The following LRR1 variants were observed in gnomAD, a reference collection of about 807,000 sequenced individuals.
The protein encoded by LRR1 is leucine-rich repeat protein 1.
LRR1 carries 29 observed loss-of-function variants against 31.6 expected under a neutral mutation model. The ratio of observed to expected loss-of-function variants is 0.92; its 90% CI spans 0.68 to 1.25. The LOEUF (loss-of-function observed/expected upper bound fraction) is 1.25. LRR1 is among the 50% of genes most tolerant of loss of function. The pLI, the probability that LRR1 is intolerant of heterozygous loss-of-function variation, is 0.00. For synonymous variants in LRR1, 179 were observed against 181.4 expected (o/e 0.99, Z 0.10); for missense variants, 485 against 487.2 (o/e 1.00, Z 0.04).
Position 49,606,726 on chromosome 14 carries a change from G to T in LRR1, c.283-674G>T, listed in dbSNP as rs183989769. Among the ~76,000 whole-genome samples the T allele has an allele frequency of 5.4e-5, 8 of 149,326 alleles. No homozygotes were observed. In the South Asian group the frequency reaches 8.5e-4, roughly 16 times the overall value. ...GCCTGGAGTGCAGTGGCACAATCTC[G>T]GCTCACTGCAACCTCCGCCTCCCGG... On this transcript the variant is annotated intron_variant, in intron 2 of 3. Coordinates refer to ENST00000298288, the MANE Select transcript of LRR1 (RefSeq NM_152329.4).
Position 49,614,310 on chromosome 14 carries a change from C to G in LRR1, c.1059C>G (p.Thr353=), listed in dbSNP as rs755330432. The change falls in exon 4 of 4, where the codon ACC becomes ACG. Residue 353 remains threonine (T), a synonymous_variant. Coordinates refer to ENST00000298288, the MANE Select transcript of LRR1 (RefSeq NM_152329.4). The part of the protein sequence containing the change: ...IPFHLCQDLD[T]AKICVCGRFC... Reference sequence around the variant, plus strand: ...TCCATCTCTGCCAAGATTTGGATACCGCAAAAATTTGTGTTTGTGGAAGAT... The same window carrying G: ...TCCATCTCTGCCAAGATTTGGATACGGCAAAAATTTGTGTTTGTGGAAGAT... 6.2e-7 allele frequency: 1 copy of G among 1,613,594 alleles called. No individual in the cohort carries two copies. The highest frequency in any genetic ancestry group is 2.2e-5 in the East Asian group (1 of 44,832).
chr14:49,599,227 T>C, intron 1 of LRR1, 24 bp downstream of exon 1: 1 of 1,569,758 alleles, frequency 6.4e-7, no homozygotes, highest in Non-Finnish European at 8.7e-7. Flanking sequence ...GCAGGCCCTG[T>C]CAGTCTCGCG....
In LRR1 at chr14:49,599,019, A is replaced by C. The variant is rs1293228208; in HGVS notation, c.-2A>C. 1.1e-5 allele frequency: 17 copies of C among 1,605,196 alleles called. No individual in the cohort carries two copies. The highest frequency in any genetic ancestry group is 1.4e-5 in the Non-Finnish European group (17 of 1,175,716). On this transcript the variant is annotated 5_prime_UTR_variant, in exon 1 of 4. Transcript: ENST00000298288. ...TTGACGTGGTTGTGGCCGTTGGGCG[A>C]GATGAAGCTACACTGTGAGGTGGAG...
chr14:49,613,847 A>G (rs981199051), intron 3 of LRR1, among the ~76,000 whole-genome samples: 2 of 152,320 alleles, frequency 1.3e-5, no homozygotes, highest in East Asian at 1.9e-4. Flanking sequence ...CTTGGGCACC[A>G]CTGAAGGGTT....
chr14:49,602,261 AAAAGCCAAACC>A lies in LRR1; in HGVS notation c.184-102_184-92del. On this transcript the variant is annotated intron_variant, in intron 1 of 3. Transcript: ENST00000298288. ...ATGAAAACACTCAGACTCAAGGACT[AAAAGCCAAACC>A]AAAGCCTGGCAAAGTAACTGGCACA... 4 of 929,716 alleles carry A rather than the reference AAAAGCCAAACC, an allele frequency of 4.3e-6. No homozygotes were observed. In the East Asian group the frequency reaches 1.0e-4, roughly 24 times the overall value. 57.6% of individuals were successfully genotyped at this position (929,716 alleles called of 1,614,324 possible). A position where few individuals can be genotyped will look rare whatever the true frequency, so the allele number is the denominator to read the frequency against.
Position 49,599,059 on chromosome 14 carries a change from C to T in LRR1, c.39C>T (p.His13=), listed in dbSNP as rs1345593614. 2 of 1,609,156 alleles carry T rather than the reference C, an allele frequency of 1.2e-6. No homozygotes were observed. Among genetic ancestry groups the T allele is most frequent in the Non-Finnish European group, 1.7e-6 (2 of 1,177,938 alleles). The part of the protein sequence containing the change: ...LHCEVEVISR[H]LPALGLRNRG... ...GTGAGGTGGAGGTGATCAGCCGGCACTTGCCCGCCTTGGGGCTTAGGAACC... is the reference window on the plus strand; with the variant it reads ...GTGAGGTGGAGGTGATCAGCCGGCATTTGCCCGCCTTGGGGCTTAGGAACC... The change falls in exon 1 of 4, where the codon CAC becomes CAT. Residue 13 remains histidine, a synonymous_variant. Coordinates refer to ENST00000298288, the MANE Select transcript of LRR1 (RefSeq NM_152329.4).
chr14:49,613,803 ACT>A (rs1192632301), intron 3 of LRR1, among the ~76,000 whole-genome samples: 1 of 152,156 alleles, frequency 6.6e-6, no homozygotes, highest in Non-Finnish European at 1.5e-5. Context: ...TCAAAGCGAG[ACT>A]CTGTCTCAAA....
intron 2 of LRR1, 103 bp from the exon 3 acceptor site, chr14:49,607,297 T>C: frequency 2.5e-6 from 3 of 1,181,196 alleles, no homozygotes; most frequent in Non-Finnish European, 3.4e-6. Flanking sequence ...TAAATCATTG[T>C]ATCACATTCA....
chr14:49,607,892 A>T lies in LRR1; in HGVS notation c.775A>T (p.Asn259Tyr). ...QELKNLKLDDNELIQFPCKIG... is the reference protein window; with the variant it reads ...QELKNLKLDDYELIQFPCKIG... ...ACTTAAGAATTTAAAACTTGACGAT[A>T]ATGAATTGATTCAATTTCCTTGCAA... The change falls in exon 3 of 4, where the codon AAT becomes TAT. Residue 259 changes from asparagine to tyrosine, a missense_variant. Around this residue, in one of 3 missense-constraint regions of LRR1, gnomAD observed 210 missense variants for 200.4 expected, o/e 1.05. Coordinates refer to ENST00000298288, the MANE Select transcript of LRR1 (RefSeq NM_152329.4). 6.2e-7 allele frequency: 1 copy of T among 1,613,152 alleles called. No individual in the cohort carries two copies. Among genetic ancestry groups the T allele is most frequent in the Non-Finnish European group, 8.5e-7 (1 of 1,179,356 alleles).
At chr14:49,599,353 C>A in intron 1 of LRR1, 150 bp downstream of exon 1, 1 of 860,036 alleles carries the variant, frequency 1.2e-6, no homozygotes, top group Non-Finnish European at 1.7e-6. Context: ...CTACCATCAG[C>A]CCGACCCCAG....
intron 2 of LRR1, 43 bp from the exon 3 acceptor site, chr14:49,607,357 A>G (rs756958465): frequency 3.3e-6 from 5 of 1,500,516 alleles, no homozygotes; most frequent in African/African-American, 2.8e-5. Context: ...TGTATGTATT[A>G]TCTCCAGTGG....
At chr14:49,600,563 A>C (rs1287144583) in intron 1 of LRR1, 1 of 1,455,780 alleles carries the variant, frequency 6.9e-7, no homozygotes, top group African/African-American at 1.5e-5. Context: ...AACACACTGT[A>C]AAAAAAAAAG....
intron 2 of LRR1, among the ~76,000 whole-genome samples, chr14:49,607,121 A>G (rs756970314): frequency 6.7e-6 from 1 of 149,794 alleles, no homozygotes; most frequent in Non-Finnish European, 1.5e-5. Context: ...TCTACTTCCT[A>G]GGCTCAGGTG....
chr14:49,607,486 C>G lies in LRR1; in HGVS notation c.369C>G (p.Leu123=). 2 of 1,613,968 alleles carry G rather than the reference C, an allele frequency of 1.2e-6. No individual in the cohort carries two copies. The highest frequency in any genetic ancestry group is 1.7e-6 in the Non-Finnish European group (2 of 1,179,978). Residue 123 remains leucine, a synonymous_variant, in exon 3 of 4, where the codon CTC becomes CTG. Coordinates refer to ENST00000298288, the MANE Select transcript of LRR1 (RefSeq NM_152329.4). ...ATGTTGATACACCAGTTTCAACGCT[C>G]ACACCAGTGAAGACTTCAGAATTTG... ...GCNVDTPVST[L]TPVKTSEFEN...
intron 3 of LRR1, chr14:49,612,355 G>T: frequency 1.8e-6 from 1 of 555,404 alleles, no homozygotes; most frequent in Non-Finnish European, 2.4e-6. Flanking sequence ...GTTGATAAAT[G>T]GCTCTAACTA....
chr14:49,610,549 C>G (rs1353199267), intron 3 of LRR1, among the ~76,000 whole-genome samples: 3 of 152,062 alleles, frequency 2.0e-5, no homozygotes, highest in Non-Finnish European at 4.4e-5. Flanking sequence ...GCCACCACTC[C>G]CAGCCATTGT....
Position 49,614,557 on chromosome 14 carries a change from TG to T in LRR1, c.*62del. 6.2e-7 allele frequency: 1 copy of T among 1,605,052 alleles called. No homozygotes were observed. Among genetic ancestry groups the T allele is most frequent in the Non-Finnish European group, 8.5e-7 (1 of 1,174,844 alleles). On this transcript the variant is annotated 3_prime_UTR_variant, in exon 4 of 4. Transcript: ENST00000298288. ...TCAGTTTGGGGTGCATGTATGATTT[TG>T]CAGCGTCAAATTGGAGTAAGGGAAG...
rs761716820 is a variant in LRR1, at chr14:49,608,079, T to G, written c.962T>G (p.Leu321Ter). 1 of 1,602,452 alleles carries G rather than the reference T, an allele frequency of 6.2e-7. No homozygotes were observed. Among genetic ancestry groups the G allele is most frequent in the Admixed American group, 1.8e-5 (1 of 56,692 alleles). ...CCAGTAATAAAGCTGCAAGCACCAT[T>G]AACTTTATTGGAATCTTCTGCACGA... ...VLPVIKLQAPLTLLESSARTI... is the reference protein window; with the variant it reads ...VLPVIKLQAP Residue 321 changes from leucine (L) to a stop codon, truncating the protein, a stop_gained, in exon 3 of 4, where the codon TTA becomes TGA. Coordinates refer to ENST00000298288, the MANE Select transcript of LRR1 (RefSeq NM_152329.4). LOFTEE classifies it high-confidence loss of function.
intron 1 of LRR1, among the ~76,000 whole-genome samples, chr14:49,599,584 A>C (rs1017750209): frequency 6.6e-6 from 1 of 152,146 alleles, no homozygotes; most frequent in African/African-American, 2.4e-5. Flanking sequence ...AGTTCTGTTC[A>C]GTGAATTCTT....
Sources: gnomAD v4.1 joint callset for allele counts (sites outside exome capture counted in the v4.1 genomes callset) on GRCh38, gnomAD v4.1.1 for gene constraint, gnomAD v4.1.1 regional missense constraint, MANE v1.5 for transcripts, NCBI Gene and HGNC (gene_info 2026-07-23, HGNC 2026-07-21) for gene names.